The following BMPR2 variants were observed in gnomAD, a reference collection of about 807,000 sequenced individuals.
BMPR2 encodes bone morphogenetic protein receptor type-2.
BMPR2 carries 29 observed loss-of-function variants against 100.8 expected under a neutral mutation model. The ratio of observed to expected loss-of-function variants is 0.29; its 90% CI spans 0.21 to 0.39. The LOEUF is 0.39. Among genes scored for constraint, BMPR2 ranks in the 10% least tolerant of loss-of-function variants. BMPR2 has a pLI of 1.00. For missense variants in BMPR2, 1,011 were observed against 1,274.5 expected (o/e 0.79, Z 3.15); for synonymous variants, 382 against 442.3 (o/e 0.86, Z 1.71).
intron 1 of BMPR2, among the ~76,000 whole-genome samples, chr2:202,394,343 C>T (rs922856332): frequency 2.0e-5 from 3 of 149,538 alleles, no homozygotes; most frequent in Non-Finnish European, 4.4e-5. Context: ...AAGAGTGAAA[C>T]AACGTCTCAA....
chr2:202,498,618 G>A (rs976478645), intron 3 of BMPR2, among the ~76,000 whole-genome samples: 2 of 152,166 alleles, frequency 1.3e-5, no homozygotes, highest in Non-Finnish European at 2.9e-5. Flanking sequence ...ACCACGGGCG[G>A]TTTTGTCTTT....
At chr2:202,552,679 T>A (rs770431190) in intron 10 of BMPR2, 37 bp from the exon 11 acceptor site, 7 of 1,608,576 alleles carry the variant, frequency 4.4e-6, no homozygotes, top group African/African-American at 2.7e-5. Flanking sequence ...TTTTTTTTTT[T>A]AAAGACACAT....
At chr2:202,455,675 T>C (rs918952455) in intron 1 of BMPR2, among the ~76,000 whole-genome samples, 1 of 152,168 alleles carries the variant, frequency 6.6e-6, no homozygotes. Context: ...TTAGTTTTAT[T>C]TTAAAGTGTT....
At chr2:202,434,230 A>G (rs1691562445) in intron 1 of BMPR2, among the ~76,000 whole-genome samples, 1 of 150,626 alleles carries the variant, frequency 6.6e-6, no homozygotes, top group African/African-American at 2.5e-5. Context: ...ATTTCTTGAA[A>G]AAATTAAAAC....
At chr2:202,457,544 A>T (rs964911918) in intron 1 of BMPR2, among the ~76,000 whole-genome samples, 35 of 101,930 alleles carry the variant, frequency 3.4e-4, no homozygotes, top group South Asian at 1.5e-3. Context: ...GCAATATTTT[A>T]TATATATATA....
chr2:202,524,734 CTG>C (rs968937752), intron 7 of BMPR2, among the ~76,000 whole-genome samples: 94 of 152,260 alleles, frequency 6.2e-4, no homozygotes, highest in African/African-American at 1.9e-3. Context: ...CAGACCAAGA[CTG>C]TGTCTGAAAA....
rs1687440026 is a variant in BMPR2 at position 202,503,196 on chromosome 2, G to A, written c.419-10523G>A. Among the ~76,000 whole-genome samples, 2 of 152,216 alleles carry A rather than the reference G, an allele frequency of 1.3e-5. No homozygotes were observed. The highest frequency in any genetic ancestry group is 4.8e-5 in the African/African-American group (2 of 41,464). ...CAGCATTTGGGGTGTCCTGTTTAGA[G>A]GGGGGATTGAGAGGTAACAGCGTGC... On this transcript the variant is annotated intron_variant, in intron 3 of 12. Transcript: ENST00000374580. This position sits in a 1 kb window ranked among gnomAD's most constrained non-coding sequence, Gnocchi z 4.0.
intron 9 of BMPR2, among the ~76,000 whole-genome samples, chr2:202,535,761 C>T (rs1431677500): frequency 1.3e-5 from 2 of 152,162 alleles, no homozygotes; most frequent in East Asian, 1.9e-4. Flanking sequence ...TGTAGCGAGC[C>T]GAGATCACGC....
rs1387675130 is a variant in BMPR2 at position 202,493,408 on chromosome 2, T to C, written c.419-20311T>C. On this transcript the variant is annotated intron_variant, in intron 3 of 12. Transcript: ENST00000374580. ...AAGTAGAATTATACCAAAAATACTT[T>C]GAGAGCATATTTAATGGTGTTTTCT... Among the ~76,000 whole-genome samples, 3 of 152,154 alleles carry C rather than the reference T, an allele frequency of 2.0e-5. No individual in the cohort carries two copies. In the East Asian group the frequency reaches 5.8e-4, roughly 29 times the overall value.
intron 1 of BMPR2, among the ~76,000 whole-genome samples, chr2:202,420,024 AT>A (rs1691226760): frequency 6.6e-6 from 1 of 152,106 alleles, no homozygotes; most frequent in East Asian, 1.9e-4. Context: ...AATTAAAAAA[AT>A]CCCAAAGGGA....
At chr2:202,387,322 G>C (rs887695989) in intron 1 of BMPR2, among the ~76,000 whole-genome samples, 1 of 152,124 alleles carries the variant, frequency 6.6e-6, no homozygotes, top group African/African-American at 2.4e-5. Flanking sequence ...CTAATACTAA[G>C]GGCCTTACAT....
Position 202,542,373 on chromosome 2 carries a change from G to A in BMPR2, c.1339G>A (p.Glu447Lys). Residue 447 changes from glutamate (E) to lysine (K), a missense_variant, in exon 10 of 13, where the codon GAG becomes AAG. By Grantham distance (56) the Glu-to-Lys change is moderately conservative. Coordinates refer to ENST00000374580, the MANE Select transcript of BMPR2 (RefSeq NM_001204.7). ...AGAGGTTGGAAACCATCCCACTTTT[G>A]AGGATATGCAGGTTCTCGTGTCTAG... is the stretch of plus-strand genomic sequence containing the variant. ...QTEVGNHPTF[E>K]DMQVLVSREK... 1 of 1,614,082 alleles carries A rather than the reference G, an allele frequency of 6.2e-7. No individual in the cohort carries two copies. The highest frequency in any genetic ancestry group is 2.2e-5 in the East Asian group (1 of 44,864).
chr2:202,558,753 C>T (rs1366653108), intron 12 of BMPR2, among the ~76,000 whole-genome samples: 2 of 151,900 alleles, frequency 1.3e-5, no homozygotes, highest in Admixed American at 6.6e-5. Context: ...AGTAGCCAGA[C>T]GTGGTGGCAC....
chr2:202,426,067 G>A (rs1412356172), intron 1 of BMPR2, among the ~76,000 whole-genome samples: 1 of 152,204 alleles, frequency 6.6e-6, no homozygotes, highest in Non-Finnish European at 1.5e-5. Context: ...TTGAAAAGAT[G>A]CATCCTTAAA....
intron 10 of BMPR2, among the ~76,000 whole-genome samples, chr2:202,547,507 G>A (rs1452633318): frequency 6.6e-6 from 1 of 152,164 alleles, no homozygotes. Context: ...ACTTAGCCAG[G>A]CACGGTGGCT....
chr2:202,461,963 G>A (rs888457827), intron 1 of BMPR2, among the ~76,000 whole-genome samples: 2 of 151,436 alleles, frequency 1.3e-5, no homozygotes, highest in African/African-American at 2.4e-5. Context: ...TGTGCACAAC[G>A]TGCAGGTTTG....
At chr2:202,494,503 C>G (rs570633898) in intron 3 of BMPR2, among the ~76,000 whole-genome samples, 17 of 152,296 alleles carry the variant, frequency 1.1e-4, no homozygotes, top group Middle Eastern at 3.4e-3. Context: ...ATCCCAGGCT[C>G]CAATGAGACA....
intron 3 of BMPR2, among the ~76,000 whole-genome samples, chr2:202,497,040 G>A (rs949253652): frequency 1.3e-5 from 2 of 152,252 alleles, no homozygotes. Context: ...GGCAATGAGG[G>A]GCTTAGCACC....
Position 202,489,227 on chromosome 2 carries a change from T to C in BMPR2, c.418+21538T>C, listed in dbSNP as rs561701129. 1.4e-4 allele frequency among the ~76,000 whole-genome samples: 21 copies of C among 152,254 alleles called. 1 individual carries two copies. The South Asian group carries it at 4.4e-3, about 32-fold the overall frequency. On this transcript the variant is annotated intron_variant, in intron 3 of 12. Coordinates refer to ENST00000374580, the MANE Select transcript of BMPR2 (RefSeq NM_001204.7). ...CATATTGACCAGGCTGGTCTCAAAC[T>C]CCTGACATCAGGCGATCCACCCTCC... is the stretch of plus-strand genomic sequence containing the variant.
Sources: allele counts gnomAD v4.1 joint callset (sites outside exome capture counted in the v4.1 genomes callset), GRCh38; gene constraint gnomAD v4.1.1; non-coding constraint Gnocchi (gnomAD v3.1); transcripts MANE v1.5; gene names NCBI Gene and HGNC (gene_info 2026-07-23, HGNC 2026-07-21).